ROS1: variants seen among roughly 807,000 people sequenced by gnomAD.
ROS1 encodes proto-oncogene tyrosine-protein kinase ROS.
Under a neutral mutation model 273.5 loss-of-function variants are expected in ROS1, and 263 were observed. That is an observed-to-expected ratio of 0.96 (90% CI 0.87 to 1.06). The LOEUF (loss-of-function observed/expected upper bound fraction) is 1.06, where lower values mean the gene tolerates loss of function less well. ROS1 is among the 50% of genes least tolerant of loss of function. The pLI, the probability that ROS1 is intolerant of heterozygous loss-of-function variation, is 0.00. For synonymous variants in ROS1, 1,008 were observed against 954.1 expected (o/e 1.06, Z -1.04); for missense variants, 2,833 against 2,751.1 (o/e 1.03, Z -0.67).
At chr6:117,301,960 C>T (rs1774766570) in intron 42 of ROS1, among the ~76,000 whole-genome samples, 1 of 152,188 alleles carries the variant, frequency 6.6e-6, no homozygotes, top group Non-Finnish European at 1.5e-5. Context: ...CATTCATTCA[C>T]TCAGCAAAGA....
chr6:117,326,942 G>T (rs1056407927), intron 33 of ROS1, among the ~76,000 whole-genome samples: 1 of 152,130 alleles, frequency 6.6e-6, no homozygotes, highest in Non-Finnish European at 1.5e-5. Context: ...CCACCTCAAA[G>T]TCAATCCAAT....
intron 5 of ROS1, among the ~76,000 whole-genome samples, chr6:117,408,764 C>G (rs996949435): frequency 3.3e-5 from 5 of 152,082 alleles, no homozygotes. Context: ...CACATGCACA[C>G]GTATGTTTAT....
intron 33 of ROS1, chr6:117,328,939 T>C (rs2128591560): frequency 1.7e-6 from 1 of 601,732 alleles, no homozygotes; most frequent in East Asian, 3.4e-5. Context: ...TCATCACCAT[T>C]TCTCACTAGA....
intron 27 of ROS1, among the ~76,000 whole-genome samples, chr6:117,349,050 T>C (rs1391927702): frequency 6.6e-6 from 1 of 152,034 alleles, no homozygotes; most frequent in East Asian, 1.9e-4. Context: ...TCTGCTGTTG[T>C]TGGAAAAATT....
At chr6:117,298,402 GT>G (rs1050931568) in intron 43 of ROS1, among the ~76,000 whole-genome samples, 4 of 152,130 alleles carry the variant, frequency 2.6e-5, no homozygotes, top group African/African-American at 9.7e-5. Flanking sequence ...GCAAAACCAT[GT>G]TTTGCCTGTC....
In ROS1 at chr6:117,397,103, T is replaced by G. The variant is rs1022984991; in HGVS notation, c.618A>C (p.Ala206=). 1 of 1,611,940 alleles carries G rather than the reference T, an allele frequency of 6.2e-7. No homozygotes were observed. The highest frequency in any genetic ancestry group is 8.5e-7 in the Non-Finnish European group (1 of 1,178,230). The stretch of plus-strand genomic sequence containing the variant: ...AGCTCTCAATATTCCTAATCAAAGG[T>G]GCAGTTTCAGGAACTGGAAGAGATA... ...RTHPHGVPET[A]PLIRNIESSS... Residue 206 remains alanine, a synonymous_variant, in exon 8 of 44, where the codon GCA becomes GCC. Transcript: ENST00000368507.
chr6:117,365,848 C>A, intron 19 of ROS1, 107 bp from the exon 20 acceptor site: 1 of 1,013,234 alleles, frequency 9.9e-7, no homozygotes, highest in Non-Finnish European at 1.4e-6. Context: ...AGAACTGAAA[C>A]AAAATTTTTC....
chr6:117,334,672 C>G (rs1777333706), intron 32 of ROS1, among the ~76,000 whole-genome samples: 1 of 152,042 alleles, frequency 6.6e-6, no homozygotes, highest in African/African-American at 2.4e-5. Context: ...GAACAGAGAC[C>G]TCAGAAATTA....
chr6:117,425,558 G>C lies in ROS1; in HGVS notation c.99C>G (p.Cys33Trp). 1 of 1,600,888 alleles carries C rather than the reference G, an allele frequency of 6.2e-7. No homozygotes were observed. Among genetic ancestry groups the C allele is most frequent in the Non-Finnish European group, 8.5e-7 (1 of 1,176,010 alleles). Residue 33 changes from cysteine (C) to tryptophan (W), a missense_variant, in exon 1 of 44, where the codon TGC (cysteine) becomes TGG (tryptophan). Coordinates refer to ENST00000368507, the MANE Select transcript of ROS1 (RefSeq NM_001378902.1). ...CCAGATTAGTTACACACGACTTTAG[G>C]CAGCTATTTAAAACTGTACACTGCA... is the stretch of plus-strand genomic sequence containing the variant. ...SVVQCTVLNSCLKSCVTNLGQ... is the reference protein window; with the variant it reads ...SVVQCTVLNSWLKSCVTNLGQ...
intron 4 of ROS1, among the ~76,000 whole-genome samples, chr6:117,411,460 T>A (rs912610002): frequency 1.3e-5 from 2 of 152,174 alleles, no homozygotes; most frequent in African/African-American, 2.4e-5. Flanking sequence ...GACATTCATG[T>A]GGAATATTCC....
At position 117,291,459 on chromosome 6, in the gene ROS1, T is replaced by G. The variant is rs917790349; in HGVS notation, c.6716-2657A>C. ...AAGTAATCATTGCTTTCATTATACCTAGCTGTGCAGTACACTATTGGTAAC... is the reference window on the plus strand; with the variant it reads ...AAGTAATCATTGCTTTCATTATACCGAGCTGTGCAGTACACTATTGGTAAC... On this transcript the variant is annotated intron_variant, in intron 43 of 43. Coordinates refer to ENST00000368507, the MANE Select transcript of ROS1 (RefSeq NM_001378902.1). 3.3e-5 allele frequency among the ~76,000 whole-genome samples: 5 copies of G among 152,312 alleles called. No individual in the cohort carries two copies. In the East Asian group the frequency reaches 7.7e-4, roughly 23 times the overall value.
intron 4 of ROS1, among the ~76,000 whole-genome samples, chr6:117,411,900 C>A (rs1774942198): frequency 6.6e-6 from 1 of 152,056 alleles, no homozygotes; most frequent in Admixed American, 6.5e-5. Context: ...AAAAATAATT[C>A]TGATAATGAA....
chr6:117,308,670 G>T (rs1425856155), intron 42 of ROS1, 124 bp downstream of exon 42: 1 of 817,638 alleles, frequency 1.2e-6, no homozygotes, highest in Non-Finnish European at 1.8e-6. Flanking sequence ...ATTTTATGTG[G>T]GGTATACAAT....
At chr6:117,365,790 T>C (rs772268564) in intron 19 of ROS1, 49 bp from the exon 20 acceptor site, 2 of 1,337,596 alleles carry the variant, frequency 1.5e-6, no homozygotes, top group Admixed American at 2.7e-5. Context: ...ATGGGGATTA[T>C]TGACCAATAT....
Position 117,389,848 on chromosome 6 carries a change from T to C in ROS1, c.1290-2A>G. 1 of 1,597,912 alleles carries C rather than the reference T, an allele frequency of 6.3e-7. No individual in the cohort carries two copies. The highest frequency in any genetic ancestry group is 1.3e-5 in the African/African-American group (1 of 74,518). ...TCTCTCAGGAGGTAAAAGACATACC[T>C]GACACAGGAACAAAAGAAACCTCAT... On this transcript the variant is annotated splice_acceptor_variant, in intron 12 of 43. Transcript: ENST00000368507. LOFTEE classifies it high-confidence loss of function.
chr6:117,373,447 C>T (rs1353070453), intron 18 of ROS1, among the ~76,000 whole-genome samples: 1 of 152,242 alleles, frequency 6.6e-6, no homozygotes, highest in African/African-American at 2.4e-5. Context: ...GGCGCTGAGG[C>T]CCGGCGAGAA....
chr6:117,380,733 G>A (rs1209057399), intron 17 of ROS1, among the ~76,000 whole-genome samples: 2 of 151,750 alleles, frequency 1.3e-5, no homozygotes, highest in Non-Finnish European at 2.9e-5. Context: ...ACAGTCAGAG[G>A]GTACTCCATA....
intron 33 of ROS1, chr6:117,328,897 G>C (rs1281102407): frequency 1.6e-6 from 1 of 611,784 alleles, no homozygotes; most frequent in Non-Finnish European, 3.2e-6. Flanking sequence ...TTCAGAACCT[G>C]ACCTAATTTT....
chr6:117,397,154 G>T, intron 7 of ROS1, 38 bp from the exon 8 acceptor site: 1 of 1,313,374 alleles, frequency 7.6e-7, no homozygotes, highest in Non-Finnish European at 1.1e-6. Flanking sequence ...GCAGAAAAAT[G>T]TGCAAGCATG....
Sources: gnomAD v4.1 joint callset for allele counts (sites outside exome capture counted in the v4.1 genomes callset) on GRCh38, gnomAD v4.1.1 for gene constraint, MANE v1.5 for transcripts, NCBI Gene and HGNC (gene_info 2026-07-23, HGNC 2026-07-21) for gene names.